MDC1: variants seen among roughly 807,000 people sequenced by gnomAD.
MDC1 encodes mediator of DNA damage checkpoint protein 1.
A neutral mutation model predicts 142.5 loss-of-function variants in MDC1; 81 were observed. The observed-to-expected ratio is 0.57, with a 90% CI of 0.47 to 0.68. MDC1 has a LOEUF of 0.68. Ranked by LOEUF, MDC1 falls within the 30% of genes least tolerant of loss-of-function variation. MDC1 has a pLI of 0.00. For synonymous variants in MDC1, 797 were observed against 968.4 expected (o/e 0.82, Z 3.29); for missense variants, 2,119 against 2,547.9 (o/e 0.83, Z 3.62).
At position 30,715,193 on chromosome 6, in the gene MDC1, C is replaced by T; in HGVS notation, c.-3-15G>A. ...TCCTCCATGATCTGGGAAGGATACA[C>T]ATTATCAATTATCCTCATTATTGGT... On this transcript the variant is annotated splice_polypyrimidine_tract_variant and intron_variant, in intron 1 of 14. Coordinates refer to ENST00000376406, the MANE Select transcript of MDC1 (RefSeq NM_014641.3). This position sits in a 1 kb window ranked among gnomAD's most constrained non-coding sequence, Gnocchi z 4.1. 6.2e-7 allele frequency: 1 copy of T among 1,614,090 alleles called. No homozygotes were observed. The highest frequency in any genetic ancestry group is 8.5e-7 in the Non-Finnish European group (1 of 1,179,978).
rs188942971 is a variant in MDC1 at position 30,700,145 on chromosome 6, C to A, written c.*320G>T. On this transcript the variant is annotated 3_prime_UTR_variant, in exon 15 of 15. Transcript: ENST00000376406. ...TAAAGATAGCTGCCACTTATGACAT[C>A]TGAGCATGAAACTAGCTAATTTTAA... 1.1e-4 allele frequency: 29 copies of A among 268,886 alleles called. No individual in the cohort carries two copies. Among genetic ancestry groups the A allele is most frequent in the African/African-American group, 6.2e-4 (29 of 46,468 alleles). 16.7% of individuals were successfully genotyped at this position (268,886 alleles called of 1,614,324 possible).
rs776309411 is a variant in MDC1 at position 30,713,625 on chromosome 6, G to A, written c.587+23C>T. ...GTTCTTCCTCATTTTGAAGACTCAG[G>A]TGTCTGACTCTTTGGCACTCACCTC... is the stretch of plus-strand genomic sequence containing the variant. On this transcript the variant is annotated intron_variant, in intron 4 of 14. Coordinates refer to ENST00000376406, the MANE Select transcript of MDC1 (RefSeq NM_014641.3). This position sits in a 1 kb window ranked among gnomAD's most constrained non-coding sequence, Gnocchi z 4.9. 4.4e-6 allele frequency: 7 copies of A among 1,606,512 alleles called. No individual in the cohort carries two copies. Among genetic ancestry groups the A allele is most frequent in the Non-Finnish European group, 6.0e-6 (7 of 1,173,946 alleles).
intron 2 of MDC1, 83 bp from the exon 3 acceptor site, chr6:30,714,266 A>G: frequency 1.4e-6 from 2 of 1,410,762 alleles, no homozygotes; most frequent in Non-Finnish European, 1.9e-6. Context: ...GTACTCTACT[A>G]CTCACTCAAG....
At position 30,711,709 on chromosome 6, in the gene MDC1, G is replaced by A; in HGVS notation, c.2086C>T (p.Leu696=). ...TCCAGAAAGCACTGGGTAGCTTGTAGGTCCAGATCTTCAGAATCTGGTCGG... is the reference window on the plus strand; with the variant it reads ...TCCAGAAAGCACTGGGTAGCTTGTAAGTCCAGATCTTCAGAATCTGGTCGG... ...DNYGDSEDLD[L]QATQCFLENQ... is the part of the protein sequence containing the mutation. The change falls in exon 6 of 15, where the codon CTA becomes TTA. Residue 696 remains leucine, a synonymous_variant. Coordinates refer to ENST00000376406, the MANE Select transcript of MDC1 (RefSeq NM_014641.3). 6.2e-7 allele frequency: 1 copy of A among 1,612,848 alleles called. No individual in the cohort carries two copies. The highest frequency in any genetic ancestry group is 8.5e-7 in the Non-Finnish European group (1 of 1,179,914).
Position 30,705,718 on chromosome 6 carries a change from G to A in MDC1, c.3465C>T (p.Val1155=), listed in dbSNP as rs760531409. The change falls in exon 10 of 15, where the codon GTC becomes GTT. Residue 1155 remains valine, a synonymous_variant. Coordinates refer to ENST00000376406, the MANE Select transcript of MDC1 (RefSeq NM_014641.3). ...TGGGGACAACTGGTTCAGGGGTCTT[G>A]ACAGAGGACCTATTTGTCCTGCTCC... ...ATRSRTNRSS[V]KTPEPVVPTA... is the part of the protein sequence containing the mutation. The A allele has an allele frequency of 1.9e-6, 3 of 1,613,276 alleles. No individual in the cohort carries two copies. The highest frequency in any genetic ancestry group is 2.5e-6 in the Non-Finnish European group (3 of 1,179,588).
chr6:30,700,996 AC>A (rs1436478529), intron 14 of MDC1, among the ~76,000 whole-genome samples: 1 of 142,968 alleles, frequency 7.0e-6, no homozygotes, highest in Non-Finnish European at 1.5e-5. Context: ...TGGCGTGAAA[AC>A]CCAGGAGGCG....
intron 14 of MDC1, 126 bp from the exon 15 acceptor site, chr6:30,700,758 C>A (rs951532690): frequency 2.2e-6 from 2 of 917,924 alleles, no homozygotes; most frequent in African/African-American, 1.7e-5. Context: ...TGAAGCACAC[C>A]GCATACTGTC....
chr6:30,704,862 A>G lies in MDC1; in HGVS notation c.4321T>C (p.Ser1441Pro). ...ACAACTGTTTCAGGGGTCTTCACAG[A>G]GGACCTATTTGTCCTGCCCCTGGTG... ...QATRGRTNRS[S>P]VKTPETVVPT... Residue 1441 changes from serine to proline, a missense_variant, in exon 10 of 15, where the codon TCT becomes CCT. By Grantham distance (74) the Ser-to-Pro change is moderately conservative. Transcript: ENST00000376406. 6.2e-7 allele frequency: 1 copy of G among 1,606,010 alleles called. No individual in the cohort carries two copies. Among genetic ancestry groups the G allele is most frequent in the Non-Finnish European group, 8.5e-7 (1 of 1,176,600 alleles).
In MDC1 at chr6:30,702,873, C is replaced by G. The variant is rs748328915; in HGVS notation, c.5870G>C (p.Arg1957Pro). Residue 1957 changes from arginine (R) to proline (P), a missense_variant, in exon 13 of 15, where the codon CGC (arginine) becomes CCC (proline). Arg to Pro is a moderately radical substitution (Grantham distance 103). Coordinates refer to ENST00000376406, the MANE Select transcript of MDC1 (RefSeq NM_014641.3). ...CGGGGGTAAGAAGAAACCAGCCTTGCGGGACTAAGGACGGCAGCAGTCAGC... is the reference window on the plus strand; with the variant it reads ...CGGGGGTAAGAAGAAACCAGCCTTGGGGGACTAAGGACGGCAGCAGTCAGC... Reference protein sequence around the residue: ...ILSLDWLHQSRKAGFFLPPDE... With the variant: ...ILSLDWLHQSPKAGFFLPPDE... 1 of 1,612,898 alleles carries G rather than the reference C, an allele frequency of 6.2e-7. No homozygotes were observed. The highest frequency in any genetic ancestry group is 8.5e-7 in the Non-Finnish European group (1 of 1,180,034).
Position 30,712,168 on chromosome 6 carries a change from C to T in MDC1, c.1774G>A (p.Val592Ile), listed in dbSNP as rs1345817220. Reference sequence around the variant, plus strand: ...AGCTGGCTCTTTCTTACATCTGCAACTACTGAGGCTGTTAGGGAGGTGCCC... The same window carrying T: ...AGCTGGCTCTTTCTTACATCTGCAATTACTGAGGCTGTTAGGGAGGTGCCC... ...EEGTSLTASV[V>I]ADVRKSQLPA... The change falls in exon 5 of 15, where the codon GTT (valine) becomes ATT (isoleucine). Residue 592 changes from valine (V) to isoleucine (I), a missense_variant. By Grantham distance (29) the Val-to-Ile change is conservative. Coordinates refer to ENST00000376406, the MANE Select transcript of MDC1 (RefSeq NM_014641.3). This position sits in a 1 kb window ranked among gnomAD's most constrained non-coding sequence, Gnocchi z 4.7. 1.2e-6 allele frequency: 2 copies of T among 1,612,814 alleles called. No individual in the cohort carries two copies. Among genetic ancestry groups the T allele is most frequent in the South Asian group, 1.1e-5 (1 of 91,074 alleles).
rs1454588775 is a variant in MDC1 at position 30,703,737 on chromosome 6, C to T, written c.5446G>A (p.Ala1816Thr). The T allele has an allele frequency of 6.5e-7, 1 of 1,544,360 alleles. No homozygotes were observed. The highest frequency in any genetic ancestry group is 2.1e-5 in the Admixed American group (1 of 48,170). Residue 1816 changes from alanine to threonine, a missense_variant, in exon 10 of 15, where the codon GCT becomes ACT. Ala to Thr is a moderately conservative substitution (Grantham distance 58). Coordinates refer to ENST00000376406, the MANE Select transcript of MDC1 (RefSeq NM_014641.3). This position sits in a 1 kb window ranked among gnomAD's most constrained non-coding sequence, Gnocchi z 4.4. ...KASQSRKRSL[A>T]TMDSPPHQKQ... ...TGATGTGGTGGTGAATCCATGGTAG[C>T]TAAAGACCTCTTGCGGCTTTGAGAG...
chr6:30,704,709 TG>T lies in MDC1; in HGVS notation c.4473del (p.Thr1492GlnfsTer83). On this transcript the variant is annotated frameshift_variant, in exon 10 of 15. Transcript: ENST00000376406. LOFTEE classifies it high-confidence loss of function. ...GCGGAAGCCTGTAGCTCAGGGGCTG[TG>T]GGGACAACTGTTTCAGGAGTCTTGA... is the stretch of plus-strand genomic sequence containing the variant. ...SSVKTPETVV[P>X]TAPELQASAS... is the part of the protein sequence containing the mutation. 6.2e-7 allele frequency: 1 copy of T among 1,611,696 alleles called. No individual in the cohort carries two copies. Among genetic ancestry groups the T allele is most frequent in the Non-Finnish European group, 8.5e-7 (1 of 1,179,170 alleles).
At position 30,707,654 on chromosome 6, in the gene MDC1, G is replaced by T. The variant is rs751434598; in HGVS notation, c.2925C>A (p.Asp975Glu). 33 of 1,612,880 alleles carry T rather than the reference G, an allele frequency of 2.0e-5. No homozygotes were observed. The East Asian group carries it at 7.4e-4, about 36-fold the overall frequency. The change falls in exon 8 of 15, where the codon GAC (aspartate) becomes GAA (glutamate). Residue 975 changes from aspartate to glutamate, a missense_variant. Coordinates refer to ENST00000376406, the MANE Select transcript of MDC1 (RefSeq NM_014641.3). The stretch of plus-strand genomic sequence containing the variant: ...CGGGGGCTGAGGTAGGTCCCGGAAG[G>T]TCCCCCGCCCCCACCCCAGGCTCTG... Reference protein sequence around the residue: ...PTPEPGVGAGDLPGPTSAPVP... With the variant: ...PTPEPGVGAGELPGPTSAPVP...
Position 30,712,723 on chromosome 6 carries a change from C to T in MDC1, c.1219G>A (p.Glu407Lys), listed in dbSNP as rs141963390. 29 of 1,612,962 alleles carry T rather than the reference C, an allele frequency of 1.8e-5. No homozygotes were observed. In the African/African-American group the frequency reaches 1.9e-4, roughly 10 times the overall value. ...GTCAGCGCTGCTGAGACTTCTTCCT[C>T]GTCATCTGTATCGCTGTTGATAACC... Reference protein sequence around the residue: ...SMVINSDTDDEEEVSAALTLA... With the variant: ...SMVINSDTDDKEEVSAALTLA... The change falls in exon 5 of 15, where the codon GAG becomes AAG. Residue 407 changes from glutamate to lysine, a missense_variant. By Grantham distance (56) the Glu-to-Lys change is moderately conservative (BLOSUM62 1). Coordinates refer to ENST00000376406, the MANE Select transcript of MDC1 (RefSeq NM_014641.3). The surrounding 1 kb of genome is among the most constrained non-coding windows in gnomAD (Gnocchi z 4.7).
Position 30,700,193 on chromosome 6 carries a change from G to T in MDC1, c.*272C>A. ...TAAAATGGCCATTTAATACATGCATGTAAGAAATCTTGTATCCCCTAAATC... is the reference window on the plus strand; with the variant it reads ...TAAAATGGCCATTTAATACATGCATTTAAGAAATCTTGTATCCCCTAAATC... On this transcript the variant is annotated 3_prime_UTR_variant, in exon 15 of 15. Coordinates refer to ENST00000376406, the MANE Select transcript of MDC1 (RefSeq NM_014641.3). 1 of 343,336 alleles carries T rather than the reference G, an allele frequency of 2.9e-6. No homozygotes were observed. The allele number at this position is 343,336 out of a possible 1,614,324, so 21.3% of individuals were successfully genotyped here. A position where few individuals can be genotyped will look rare whatever the true frequency, so the allele number is the denominator to read the frequency against.
In MDC1 at chr6:30,700,268, A is replaced by AAAAC. The variant is rs139775092; in HGVS notation, c.*193_*196dup. The AAAAC allele has an allele frequency of 3.4e-5, 16 of 472,262 alleles. No homozygotes were observed. Among genetic ancestry groups the AAAAC allele is most frequent in the African/African-American group, 1.6e-4 (8 of 50,566 alleles). 29.3% of individuals were successfully genotyped at this position (472,262 alleles called of 1,614,324 possible). A position where few individuals can be genotyped will look rare whatever the true frequency, so the allele number is the denominator to read the frequency against. ...CAAATAAAATAAAATGGCCATTAAAAAAACAAACAAACAAACAAAAAACAA... is the reference window on the plus strand; with the variant it reads ...CAAATAAAATAAAATGGCCATTAAAAAAACAAACAAACAAACAAACAAAAAACAA... On this transcript the variant is annotated 3_prime_UTR_variant, in exon 15 of 15. Coordinates refer to ENST00000376406, the MANE Select transcript of MDC1 (RefSeq NM_014641.3).
chr6:30,714,192 T>C lies in MDC1; in HGVS notation c.137-9A>G. 6.3e-7 allele frequency: 1 copy of C among 1,599,084 alleles called. No individual in the cohort carries two copies. Among genetic ancestry groups the C allele is most frequent in the Non-Finnish European group, 8.5e-7 (1 of 1,176,792 alleles). ...GAGGTGTAGTGGGAAATCTAAGAAT[T>C]AGAGAGGTAGATAAGCTCCAAGATC... On this transcript the variant is annotated splice_polypyrimidine_tract_variant and intron_variant, in intron 2 of 14. Coordinates refer to ENST00000376406, the MANE Select transcript of MDC1 (RefSeq NM_014641.3).
In MDC1 at chr6:30,705,097, G is replaced by T; in HGVS notation, c.4086C>A (p.Asn1362Lys). The change falls in exon 10 of 15, where the codon AAC (asparagine) becomes AAA (lysine). Residue 1362 changes from asparagine (N) to lysine (K), a missense_variant. By Grantham distance (94) the Asn-to-Lys change is moderately conservative. Transcript: ENST00000376406. Reference protein sequence around the residue: ...RSRTNMSSVKNPESTVPIAPE... With the variant: ...RSRTNMSSVKKPESTVPIAPE... Reference sequence around the variant, plus strand: ...GGGCTATAGGGACAGTTGATTCAGGGTTCTTCACAGAGGACATATTTGTCC... The same window carrying T: ...GGGCTATAGGGACAGTTGATTCAGGTTTCTTCACAGAGGACATATTTGTCC... 6.2e-7 allele frequency: 1 copy of T among 1,613,146 alleles called. No homozygotes were observed. The highest frequency in any genetic ancestry group is 8.5e-7 in the Non-Finnish European group (1 of 1,179,806).
intron 14 of MDC1, 91 bp from the exon 15 acceptor site, chr6:30,700,723 TA>T: frequency 7.9e-7 from 1 of 1,266,666 alleles, no homozygotes; most frequent in Non-Finnish European, 1.1e-6. Flanking sequence ...ATCACTAAAA[TA>T]ATACCTCCTA....
Sources: allele counts gnomAD v4.1 joint callset (sites outside exome capture counted in the v4.1 genomes callset), GRCh38; gene constraint gnomAD v4.1.1; non-coding constraint Gnocchi (gnomAD v3.1); transcripts MANE v1.5; gene names NCBI Gene and HGNC (gene_info 2026-07-23, HGNC 2026-07-21).